Variants in TBC1D9 observed in about 807,000 individuals in gnomAD.
TBC1D9 encodes the protein TBC1 domain family member 9A.
In TBC1D9, 63 loss-of-function variants were observed where a neutral mutation model predicts 132.0. That is an observed-to-expected ratio of 0.48 (90% CI 0.39 to 0.59). The LOEUF is 0.59. Among genes scored for constraint, TBC1D9 ranks in the 20% least tolerant of loss-of-function variants. The probability of loss-of-function intolerance (pLI) is 0.00; values close to 1 mark genes in which losing one functional copy is unlikely to be tolerated. For synonymous variants in TBC1D9, 610 were observed against 609.9 expected (o/e 1.00, Z 0.00); for missense variants, 1,261 against 1,592.7 (o/e 0.79, Z 3.54).
At chr4:140,651,928 C>A (rs1020889058) in intron 13 of TBC1D9, among the ~76,000 whole-genome samples, 2 of 152,078 alleles carry the variant, frequency 1.3e-5, no homozygotes, top group East Asian at 3.8e-4. Flanking sequence ...AAGAAAGGTG[C>A]TTATACAATC....
chr4:140,714,363 A>G (rs1354347268), intron 1 of TBC1D9, among the ~76,000 whole-genome samples: 2 of 152,198 alleles, frequency 1.3e-5, no homozygotes, highest in Admixed American at 6.5e-5. Flanking sequence ...TGTAAGGTGT[A>G]TATCAACTTG....
At chr4:140,640,271 CAG>C (rs1481297238) in intron 13 of TBC1D9, among the ~76,000 whole-genome samples, 1 of 150,094 alleles carries the variant, frequency 6.7e-6, no homozygotes, top group Non-Finnish European at 1.5e-5. Context: ...AAAGGGGCAA[CAG>C]GGGGAAGAAA....
intron 13 of TBC1D9, among the ~76,000 whole-genome samples, chr4:140,654,230 T>C (rs563380144): frequency 2.0e-5 from 3 of 152,124 alleles, no homozygotes; most frequent in Non-Finnish European, 1.5e-5. Context: ...CCTTTCCCCA[T>C]TGTCTGGGGT....
intron 2 of TBC1D9, among the ~76,000 whole-genome samples, chr4:140,699,186 C>T (rs979354142): frequency 6.6e-6 from 1 of 152,016 alleles, no homozygotes; most frequent in Non-Finnish European, 1.5e-5. Context: ...AATAAATAGG[C>T]ATGAGTCTAT....
At position 140,713,090 on chromosome 4, in the gene TBC1D9, G is replaced by A. The variant is rs185709501; in HGVS notation, c.131-11476C>T. 3.4e-4 allele frequency among the ~76,000 whole-genome samples: 52 copies of A among 152,244 alleles called. 1 individual carries two copies. The highest frequency in any genetic ancestry group is 1.2e-3 in the African/African-American group (49 of 41,564). On this transcript the variant is annotated intron_variant, in intron 1 of 20. Transcript: ENST00000442267. The stretch of plus-strand genomic sequence containing the variant: ...CTTTTAATCTATAACTAAGGTCTGA[G>A]TCTTGAGGTTAATTTTTAAATTTTT...
intron 1 of TBC1D9, among the ~76,000 whole-genome samples, chr4:140,738,874 C>T (rs775935343): frequency 6.6e-5 from 10 of 152,162 alleles, no homozygotes. Flanking sequence ...AGTTTTCACA[C>T]TTCCCCCTGG....
rs1393756170 is a variant in TBC1D9, at chr4:140,657,545, G to A, written c.2189C>T (p.Ala730Val). The change falls in exon 12 of 21, where the codon GCC (alanine) becomes GTC (valine). Residue 730 changes from alanine to valine, a missense_variant. Around this residue, in one of 3 missense-constraint regions of TBC1D9, gnomAD observed 618 missense variants for 724.4 expected, o/e 0.85. Coordinates refer to ENST00000442267, the MANE Select transcript of TBC1D9 (RefSeq NM_015130.3). The part of the protein sequence containing the change: ...KLLNCKDDGE[A>V]MTVLGRYLDS... ...ACAATACCTTCCCAAAACGGTCATG[G>A]CCTCCCCATCATCCTTGCAGTTCAA... is the stretch of plus-strand genomic sequence containing the variant. The A allele has an allele frequency of 4.3e-6, 7 of 1,613,490 alleles. No homozygotes were observed. The Admixed American group carries it at 6.7e-5, about 15-fold the overall frequency.
At chr4:140,746,867 T>C (rs923513278) in intron 1 of TBC1D9, among the ~76,000 whole-genome samples, 3 of 152,086 alleles carry the variant, frequency 2.0e-5, no homozygotes, top group Admixed American at 2.0e-4. Flanking sequence ...ATATCAGTCT[T>C]GTAAAGAATA....
chr4:140,718,927 C>G (rs939446740), intron 1 of TBC1D9, among the ~76,000 whole-genome samples: 1 of 151,058 alleles, frequency 6.6e-6, no homozygotes, highest in South Asian at 2.1e-4. Flanking sequence ...TGTAAAAACA[C>G]AAAAAAAATT....
chr4:140,643,939 C>T, intron 13 of TBC1D9: 1 of 645,374 alleles, frequency 1.5e-6, no homozygotes. Flanking sequence ...TCGTCCACAT[C>T]CTCCACCTCC....
At chr4:140,642,041 T>A in intron 13 of TBC1D9, 1 of 671,624 alleles carries the variant, frequency 1.5e-6, no homozygotes, top group Non-Finnish European at 2.7e-6. Flanking sequence ...CACTGCTTCC[T>A]GCTGGTGGCT....
chr4:140,690,899 A>T (rs1737870374), intron 2 of TBC1D9, among the ~76,000 whole-genome samples: 1 of 152,226 alleles, frequency 6.6e-6, no homozygotes. Flanking sequence ...AAGAAAAAAG[A>T]CAAACACTAT....
intron 13 of TBC1D9, chr4:140,642,993 T>A: frequency 1.4e-6 from 1 of 715,264 alleles, no homozygotes; most frequent in Non-Finnish European, 2.3e-6. Flanking sequence ...CATTCTGAAG[T>A]CCAGTTCCAG....
At chr4:140,689,236 T>C (rs1048578587) in intron 2 of TBC1D9, among the ~76,000 whole-genome samples, 1 of 152,182 alleles carries the variant, frequency 6.6e-6, no homozygotes, top group Non-Finnish European at 1.5e-5. Context: ...TATCTCACCA[T>C]GCTCTGCCCT....
At chr4:140,694,570 CAAAA>C (rs200877899) in intron 2 of TBC1D9, among the ~76,000 whole-genome samples, 3 of 100,358 alleles carry the variant, frequency 3.0e-5, no homozygotes, top group Admixed American at 9.8e-5. Flanking sequence ...GACCCTGTCT[CAAAA>C]AAAAAAAAAA....
intron 3 of TBC1D9, among the ~76,000 whole-genome samples, chr4:140,685,528 C>T (rs1400825042): frequency 6.6e-6 from 1 of 152,044 alleles, no homozygotes; most frequent in East Asian, 1.9e-4. Context: ...GGAAATGTTC[C>T]ACGCTGAAGG....
At chr4:140,671,606 G>C (rs1473147615) in intron 6 of TBC1D9, among the ~76,000 whole-genome samples, 2 of 151,400 alleles carry the variant, frequency 1.3e-5, no homozygotes, top group Non-Finnish European at 2.9e-5. Context: ...AAGTTTTAAA[G>C]GTTCTATTCT....
At chr4:140,664,040 C>CAAAAAA (rs1224457471) in intron 9 of TBC1D9, among the ~76,000 whole-genome samples, 1 of 112,928 alleles carries the variant, frequency 8.9e-6, no homozygotes, top group Non-Finnish European at 1.8e-5. Flanking sequence ...CTCTCCCCAC[C>CAAAAAA]AAAAAAAAAA....
At chr4:140,726,481 G>T (rs1336511646) in intron 1 of TBC1D9, among the ~76,000 whole-genome samples, 2 of 151,988 alleles carry the variant, frequency 1.3e-5, no homozygotes, top group Admixed American at 1.3e-4. Flanking sequence ...GGGCTTGAAA[G>T]TAGAGACATT....
Sources: gnomAD v4.1 joint callset for allele counts (sites outside exome capture counted in the v4.1 genomes callset) on GRCh38, gnomAD v4.1.1 for gene constraint, gnomAD v4.1.1 regional missense constraint, MANE v1.5 for transcripts, NCBI Gene and HGNC (gene_info 2026-07-23, HGNC 2026-07-21) for gene names.